The following RYR1 variants were observed in gnomAD, a reference collection of about 807,000 sequenced individuals.
The protein encoded by RYR1 is central core disease of muscle.
RYR1 carries 342 observed loss-of-function variants against 583.5 expected under a neutral mutation model. That is an observed-to-expected ratio of 0.59 (90% CI 0.54 to 0.64). RYR1 has a LOEUF of 0.64. Ranked by LOEUF, RYR1 falls within the 30% of genes least tolerant of loss-of-function variation. The probability of loss-of-function intolerance (pLI) is 0.00; values close to 1 mark genes in which losing one functional copy is unlikely to be tolerated. For synonymous variants in RYR1, 2,791 were observed against 2,822.5 expected, an observed-to-expected ratio of 0.99 and a Z score of 0.35; for missense variants, 6,032 against 6,917.2, an observed-to-expected ratio of 0.87 and a Z score of 4.54.
At chr19:38,478,321 G>GT (rs1350570749) in intron 30 of RYR1, 114 bp from the exon 31 acceptor site, 2 of 1,160,994 alleles carry the variant, frequency 1.7e-6, no homozygotes, top group Non-Finnish European at 2.5e-6. Flanking sequence ...CAGGCGGTGG[G>GT]TGTTTGGGGA....
rs1475734095 is a variant in RYR1 at position 38,469,339 on chromosome 19, G to A, written c.3591G>A (p.Gln1197=). 5.0e-6 allele frequency: 8 copies of A among 1,613,918 alleles called. No individual in the cohort carries two copies. The highest frequency in any genetic ancestry group is 5.9e-6 in the Non-Finnish European group (7 of 1,180,034). ...FLPVCSLGPG[Q]VGHLNLGQDV... is the part of the protein sequence containing the mutation. ...CCGTCTGCAGCTTGGGACCTGGCCAGGTGGGTCATCTGAACCTGGGCCAGG... is the reference window on the plus strand; with the variant it reads ...CCGTCTGCAGCTTGGGACCTGGCCAAGTGGGTCATCTGAACCTGGGCCAGG... Residue 1197 remains glutamine (Q), a synonymous_variant, in exon 27 of 106, where the codon CAG becomes CAA. Transcript: ENST00000359596.
At position 38,565,000 on chromosome 19, in the gene RYR1, C is replaced by T. The variant is rs764655128; in HGVS notation, c.12666C>T (p.Asn4222=). 3.1e-6 allele frequency: 5 copies of T among 1,592,344 alleles called. No homozygotes were observed. In the Admixed American group the frequency reaches 7.0e-5, roughly 22 times the overall value. The change falls in exon 91 of 106, where the codon AAC becomes AAT. Residue 4222 remains asparagine (N), a synonymous_variant. Coordinates refer to ENST00000359596, the MANE Select transcript of RYR1 (RefSeq NM_000540.3). ...GCCAGTTCATCTTCGACGTGGTGAA[C>T]GAGGGCGGCGAGGCTGAGAAGATGG... ...SKRQFIFDVV[N]EGGEAEKMEL...
At chr19:38,494,851 C>A (rs575050959) in intron 39 of RYR1, among the ~76,000 whole-genome samples, 106 of 142,216 alleles carry the variant, frequency 7.5e-4, no homozygotes, top group Non-Finnish European at 5.2e-4. Context: ...CCCCACCCCC[C>A]CCTTTTTTTT....
In RYR1 at chr19:38,494,443, C is replaced by T. The variant is rs946992657; in HGVS notation, c.6366C>T (p.Ser2122=). The change falls in exon 39 of 106, where the codon AGC becomes AGT. Residue 2122 remains serine, a synonymous_variant. Coordinates refer to ENST00000359596, the MANE Select transcript of RYR1 (RefSeq NM_000540.3). ...CCGAGCTGGTGCGGGCCATGTTCAG[C>T]CTCCTGCACCGGCAGTACGACGGGC... ...QSPELVRAMF[S]LLHRQYDGLG... is the part of the protein sequence containing the mutation. 6.2e-7 allele frequency: 1 copy of T among 1,612,412 alleles called. No homozygotes were observed. Among genetic ancestry groups the T allele is most frequent in the Non-Finnish European group, 8.5e-7 (1 of 1,180,036 alleles).
intron 1 of RYR1, among the ~76,000 whole-genome samples, chr19:38,438,550 G>A (rs1039660113): frequency 1.5e-4 from 22 of 150,090 alleles, no homozygotes; most frequent in Admixed American, 8.7e-4. Flanking sequence ...CACCATGCTC[G>A]GCTAATTTTT....
intron 66 of RYR1, 67 bp from the exon 67 acceptor site, chr19:38,519,147 T>C: frequency 6.2e-7 from 1 of 1,612,616 alleles, no homozygotes; most frequent in Non-Finnish European, 8.5e-7. Context: ...GGAGTCGGGC[T>C]GGGAACGGAG....
intron 76 of RYR1, among the ~76,000 whole-genome samples, chr19:38,530,697 C>G (rs751512795): frequency 1.4e-4 from 21 of 152,154 alleles, no homozygotes; most frequent in Non-Finnish European, 2.6e-4. Flanking sequence ...TAGCTTTTGT[C>G]TGTAGTCCTG....
intron 29 of RYR1, among the ~76,000 whole-genome samples, chr19:38,475,924 A>G (rs927286371): frequency 2.0e-5 from 3 of 152,250 alleles, no homozygotes; most frequent in African/African-American, 4.8e-5. Flanking sequence ...CCAGGGATCA[A>G]TTTTGTGGAA....
At chr19:38,439,752 C>A (rs973752693) in intron 1 of RYR1, among the ~76,000 whole-genome samples, 1 of 152,180 alleles carries the variant, frequency 6.6e-6, no homozygotes, top group African/African-American at 2.4e-5. Flanking sequence ...AAGTGATCCA[C>A]CTCCTCGGCC....
At chr19:38,572,899 C>A (rs1474956502) in intron 95 of RYR1, among the ~76,000 whole-genome samples, 3 of 149,658 alleles carry the variant, frequency 2.0e-5, no homozygotes, top group Admixed American at 1.3e-4. Flanking sequence ...TCTATCTATG[C>A]CCCCTATCCC....
At chr19:38,509,611 C>G (rs1168133744) in intron 58 of RYR1, among the ~76,000 whole-genome samples, 1 of 151,912 alleles carries the variant, frequency 6.6e-6, no homozygotes, top group South Asian at 2.1e-4. Flanking sequence ...GCCACCATGC[C>G]CGGTTAATTT....
At chr19:38,463,875 T>C (rs754699997) in intron 22 of RYR1, 25 bp downstream of exon 22, 9 of 1,588,754 alleles carry the variant, frequency 5.7e-6, no homozygotes, top group East Asian at 4.5e-5. Context: ...GAGCCGGGGG[T>C]TGGGGCTGGC....
intron 35 of RYR1, 104 bp from the exon 36 acceptor site, chr19:38,489,972 A>T: frequency 8.3e-7 from 1 of 1,205,218 alleles, no homozygotes; most frequent in Non-Finnish European, 1.2e-6. Flanking sequence ...TTTTGGCTGG[A>T]CCTGGGCAGG....
chr19:38,569,222 G>A (rs758169062), intron 93 of RYR1, among the ~76,000 whole-genome samples: 1 of 152,136 alleles, frequency 6.6e-6, no homozygotes, highest in Non-Finnish European at 1.5e-5. Context: ...GTGTTAGCCA[G>A]AATGGCCTAG....
In RYR1 at chr19:38,460,708, T is replaced by C. The variant is rs1011404406; in HGVS notation, c.2577+117T>C. 7.9e-5 allele frequency: 79 copies of C among 1,003,554 alleles called. No homozygotes were observed. In the African/African-American group the frequency reaches 1.1e-3, roughly 14 times the overall value. 62.2% of individuals were successfully genotyped at this position (1,003,554 alleles called of 1,614,324 possible). On this transcript the variant is annotated intron_variant, in intron 20 of 105. Coordinates refer to ENST00000359596, the MANE Select transcript of RYR1 (RefSeq NM_000540.3). ...CAGCACTTTGGATGGCCAGGCGTGGTGGCTCACGCCTGTAAGCCCAGCAAT... is the reference window on the plus strand; with the variant it reads ...CAGCACTTTGGATGGCCAGGCGTGGCGGCTCACGCCTGTAAGCCCAGCAAT...
In RYR1 at chr19:38,492,483, C is replaced by T; in HGVS notation, c.6128-7C>T. On this transcript the variant is annotated splice_polypyrimidine_tract_variant and splice_region_variant and intron_variant, in intron 37 of 105. Transcript: ENST00000359596. ...ATGACATTTCCCGCCTTCTTGACCA[C>T]TTCCAGGAATTCAGCTAGATGGAGA... The T allele has an allele frequency of 6.2e-7, 1 of 1,613,956 alleles. No homozygotes were observed. The highest frequency in any genetic ancestry group is 8.5e-7 in the Non-Finnish European group (1 of 1,179,946).
At chr19:38,528,535 G>A (rs896082143) in intron 74 of RYR1, 64 bp from the exon 75 acceptor site, 2 of 1,596,740 alleles carry the variant, frequency 1.3e-6, no homozygotes, top group Non-Finnish European at 1.7e-6. Context: ...GGCTGCAGGC[G>A]CATGGGAGGT....
intron 33 of RYR1, among the ~76,000 whole-genome samples, chr19:38,484,363 CT>C (rs1969168774): frequency 6.6e-6 from 1 of 151,574 alleles, no homozygotes; most frequent in African/African-American, 2.4e-5. Context: ...CTCTTTCTTT[CT>C]TTCCTTCCTT....
chr19:38,517,274 T>C, intron 65 of RYR1, 85 bp from the exon 66 acceptor site: 1 of 1,346,612 alleles, frequency 7.4e-7, no homozygotes, highest in East Asian at 2.4e-5. Flanking sequence ...AATTCAATGG[T>C]GTCTGATGTA....
Sources: gnomAD v4.1 joint callset for allele counts (sites outside exome capture counted in the v4.1 genomes callset) on GRCh38, gnomAD v4.1.1 for gene constraint, MANE v1.5 for transcripts, NCBI Gene and HGNC (gene_info 2026-07-23, HGNC 2026-07-21) for gene names.